PAEP: variants seen among roughly 807,000 people sequenced by gnomAD.
PAEP encodes the protein glycodelin.
A neutral mutation model predicts 23.0 loss-of-function variants in PAEP; 28 were observed. The observed-to-expected ratio is 1.22, with a 90% CI of 0.90 to 1.67. The LOEUF (loss-of-function observed/expected upper bound fraction) is 1.67, where lower values mean the gene tolerates loss of function less well. PAEP is among the 40% of genes most tolerant of loss of function. The pLI is 0.00. For missense variants in PAEP, 209 were observed against 226.4 expected, an observed-to-expected ratio of 0.92 and a Z score of 0.49; for synonymous variants, 103 against 92.4, an observed-to-expected ratio of 1.12 and a Z score of -0.66.
chr9:135,563,716 G>A (rs1832444951), intron 3 of PAEP, among the ~76,000 whole-genome samples: 1 of 152,258 alleles, frequency 6.6e-6, no homozygotes, highest in African/African-American at 2.4e-5. Context: ...GTTCTATTTT[G>A]TTAATTATTA....
At chr9:135,562,242 C>A (rs373905155) in intron 1 of PAEP, 52 bp from the exon 2 acceptor site, 3 of 1,594,302 alleles carry the variant, frequency 1.9e-6, no homozygotes, top group Non-Finnish European at 2.6e-6. Context: ...GCACCGGGTG[C>A]AACGAGAGCC....
Position 135,562,883 on chromosome 9 carries a change from C to A in PAEP, c.300C>A (p.Phe100Leu). The change falls in exon 3 of 7, where the codon TTC (phenylalanine) becomes TTA (leucine). Residue 100 changes from phenylalanine to leucine, a missense_variant. Physicochemically the swap from Phe to Leu is conservative, Grantham distance 22. Transcript: ENST00000479141. Reference sequence around the variant, plus strand: ...AGAAGACTGAGAATCCAAAGAAGTTCAAGATCAACTGTGAGTGTCCCCAGG... The same window carrying A: ...AGAAGACTGAGAATCCAAAGAAGTTAAAGATCAACTGTGAGTGTCCCCAGG... The part of the protein sequence containing the change: ...LGEKTENPKK[F>L]KINYTVANEA... The A allele has an allele frequency of 6.2e-7, 1 of 1,613,112 alleles. No individual in the cohort carries two copies. Among genetic ancestry groups the A allele is most frequent in the South Asian group, 1.1e-5 (1 of 91,008 alleles).
chr9:135,561,946 G>T, intron 1 of PAEP, 49 bp downstream of exon 1: 18 of 1,354,254 alleles, frequency 1.3e-5, no homozygotes, highest in Non-Finnish European at 1.7e-5. Context: ...CCTGGGGCGG[G>T]TGGGAGCTGC....
intron 5 of PAEP, 33 bp downstream of exon 5, chr9:135,565,547 C>A (rs1241740915): frequency 6.3e-7 from 1 of 1,581,296 alleles, no homozygotes; most frequent in Non-Finnish European, 8.7e-7. Flanking sequence ...CCAGCCTCAG[C>A]TGGAGGAGAA....
Position 135,561,870 on chromosome 9 carries a change from G to A in PAEP, c.69G>A (p.Gln23=). The change falls in exon 1 of 7, where the codon CAG becomes CAA. Residue 23 remains glutamine (Q), a synonymous_variant. Coordinates refer to ENST00000479141, the MANE Select transcript of PAEP (RefSeq NM_002571.4). ...GTGTCCCGGCCATGGACATCCCCCA[G>A]ACCAAGCAGGACCTGGAGCTCCCAA... The part of the protein sequence containing the change: ...VCGVPAMDIP[Q]TKQDLELPKL... The A allele has an allele frequency of 5.7e-6, 9 of 1,565,868 alleles. No individual in the cohort carries two copies. The highest frequency in any genetic ancestry group is 7.8e-6 in the Non-Finnish European group (9 of 1,154,732).
rs1002718377 is a variant in PAEP at position 135,565,569 on chromosome 9, C to A, written c.526+55C>A. On this transcript the variant is annotated intron_variant, in intron 5 of 6. Coordinates refer to ENST00000479141, the MANE Select transcript of PAEP (RefSeq NM_002571.4). ...CAGCTGGAGGAGAAGCTGCCTCTTT[C>A]TTAGCCCGAGCCCCCTGCTGGCTCT... 2.6e-6 allele frequency: 4 copies of A among 1,533,888 alleles called. No individual in the cohort carries two copies. In the South Asian group the frequency reaches 4.5e-5, roughly 17 times the overall value.
chr9:135,564,544 C>G (rs1832489280), intron 4 of PAEP, 190 bp downstream of exon 4: 1 of 938,744 alleles, frequency 1.1e-6, no homozygotes, highest in South Asian at 4.9e-5. Flanking sequence ...CATTCTGTCA[C>G]TCAGGCTGGA....
intron 3 of PAEP, among the ~76,000 whole-genome samples, chr9:135,563,749 G>A (rs1385575041): frequency 1.3e-5 from 2 of 152,136 alleles, no homozygotes; most frequent in East Asian, 1.9e-4. Flanking sequence ...GACAGAGGTG[G>A]TCAGGGTCTG....
rs1484690111 is a variant in PAEP, at chr9:135,562,012, C to T, written c.96+115C>T. On this transcript the variant is annotated intron_variant, in intron 1 of 6. Transcript: ENST00000479141. ...CCTACAGGAAGCACAGAATGGACGC[C>T]ATGACGTCAGGAAGCCCTCAGCCCT... 3 of 878,544 alleles carry T rather than the reference C, an allele frequency of 3.4e-6. No individual in the cohort carries two copies. The South Asian group carries it at 5.0e-5, about 15-fold the overall frequency. 54.4% of individuals were successfully genotyped at this position (878,544 alleles called of 1,614,324 possible).
At chr9:135,563,225 G>A (rs905051059) in intron 3 of PAEP, among the ~76,000 whole-genome samples, 3 of 152,064 alleles carry the variant, frequency 2.0e-5, no homozygotes, top group African/African-American at 7.3e-5. Context: ...TGGGCAGGTG[G>A]GCAGGTGGGT....
In PAEP at chr9:135,562,902, C is replaced by T. The variant is rs1832378183; in HGVS notation, c.310+9C>T. On this transcript the variant is annotated intron_variant, in intron 3 of 6. Transcript: ENST00000479141. ...GAAGTTCAAGATCAACTGTGAGTGT[C>T]CCCAGGCCCCAAGGGCTGGCTCAGT... 13 of 1,608,164 alleles carry T rather than the reference C, an allele frequency of 8.1e-6. No homozygotes were observed. The highest frequency in any genetic ancestry group is 1.1e-5 in the Non-Finnish European group (13 of 1,174,630).
rs1398162405 is a variant in PAEP, at chr9:135,566,584, C to T, written c.*32C>T. On this transcript the variant is annotated 3_prime_UTR_variant, in exon 7 of 7. Transcript: ENST00000479141. ...TCCGCCTCCAGGAAGACCAGACTCC[C>T]ACCCTTCCACACCTCCAGAGCAGTG... The T allele has an allele frequency of 6.5e-6, 1 of 154,972 alleles. No homozygotes were observed. Among genetic ancestry groups the T allele is most frequent in the Non-Finnish European group, 1.5e-5 (1 of 68,328 alleles). The allele number at this position is 154,972 out of a possible 1,614,324, so 9.6% of individuals were successfully genotyped here.
chr9:135,565,603 C>T, intron 5 of PAEP, 89 bp downstream of exon 5: 2 of 1,403,736 alleles, frequency 1.4e-6, no homozygotes, highest in Non-Finnish European at 2.0e-6. Flanking sequence ...CTGCAGGACT[C>T]AGGTCACTCC....
chr9:135,563,571 C>G (rs971889589), intron 3 of PAEP, among the ~76,000 whole-genome samples: 1 of 152,128 alleles, frequency 6.6e-6, no homozygotes, highest in Admixed American at 6.5e-5. Flanking sequence ...TCCCGTGGGC[C>G]TGGCTGCCTC....
At chr9:135,563,820 G>C (rs917325045) in intron 3 of PAEP, among the ~76,000 whole-genome samples, 1 of 152,136 alleles carries the variant, frequency 6.6e-6, no homozygotes, top group Admixed American at 6.5e-5. Context: ...TCTCATGCTT[G>C]GGACTTGCCT....
In PAEP at chr9:135,565,793, C is replaced by A. The variant is rs750586274; in HGVS notation, c.535C>A (p.Arg179Ser). Residue 179 changes from arginine to serine, a missense_variant, in exon 6 of 7, where the codon CGT becomes AGT. Physicochemically the swap from Arg to Ser is moderately radical, Grantham distance 110 (BLOSUM62 -1). Coordinates refer to ENST00000479141, the MANE Select transcript of PAEP (RefSeq NM_002571.4). Reference protein sequence around the residue: ...LDLKQMEEPCRF With the variant: ...LDLKQMEEPCSF ...CCCATCTCCTCCCACAGAGCCGTGC[C>A]GTTTCTAGGTGAGCTCCTGCCTGGT... The A allele has an allele frequency of 6.2e-7, 1 of 1,613,640 alleles. No individual in the cohort carries two copies. Among genetic ancestry groups the A allele is most frequent in the Non-Finnish European group, 8.5e-7 (1 of 1,180,026 alleles).
intron 5 of PAEP, 125 bp from the exon 6 acceptor site, chr9:135,565,660 C>A: frequency 7.3e-7 from 1 of 1,378,658 alleles, no homozygotes; most frequent in African/African-American, 1.4e-5. Flanking sequence ...GGGTGCAGAG[C>A]CACCCTGAGG....
chr9:135,563,354 T>TTAGGTGAATAGGTGGGCAGGTGGA (rs1832409958), intron 3 of PAEP, among the ~76,000 whole-genome samples: 2 of 130,198 alleles, frequency 1.5e-5, no homozygotes, highest in Non-Finnish European at 1.7e-5. Context: ...GAGCAGGTGG[T>TTAGGTGAATAGGTGGGCAGGTGGA]TAGGTGAACA....
At chr9:135,562,517 C>T (rs1291336348) in intron 2 of PAEP, 84 bp downstream of exon 2, 1 of 1,498,236 alleles carries the variant, frequency 6.7e-7, no homozygotes, top group Non-Finnish European at 9.0e-7. Flanking sequence ...TTGGGCGGAG[C>T]TGGACTTAGC....
Sources: allele counts gnomAD v4.1 joint callset (sites outside exome capture counted in the v4.1 genomes callset), GRCh38; gene constraint gnomAD v4.1.1; transcripts MANE v1.5; gene names NCBI Gene and HGNC (gene_info 2026-07-23, HGNC 2026-07-21).